NRG3: variants seen among roughly 807,000 people sequenced by gnomAD.
NRG3 encodes pro-neuregulin-3, membrane-bound isoform.
A neutral mutation model predicts 66.9 loss-of-function variants in NRG3; 31 were observed. The observed-to-expected ratio is 0.46, with a 90% CI of 0.35 to 0.63. The LOEUF (loss-of-function observed/expected upper bound fraction) is 0.63. NRG3 is among the 20% of genes least tolerant of loss of function. NRG3 has a pLI of 0.00. For synonymous variants in NRG3, 393 were observed against 359.4 expected, an observed-to-expected ratio of 1.09 and a Z score of -1.06; for missense variants, 910 against 878.9, an observed-to-expected ratio of 1.04 and a Z score of -0.45.
chr10:81,877,587 T>G, intron 1 of NRG3: 1 of 711,798 alleles, frequency 1.4e-6, no homozygotes, highest in East Asian at 9.9e-5. Context: ...TTTTAAAGAA[T>G]GTAGTGTATT....
chr10:82,969,424 A>G (rs1056322465), intron 6 of NRG3, among the ~76,000 whole-genome samples: 4 of 152,216 alleles, frequency 2.6e-5, no homozygotes, highest in Admixed American at 6.5e-5. Flanking sequence ...TGAAGCACAC[A>G]TAGAGGTATT....
rs185485151 is a variant in NRG3, at chr10:82,837,068, G to T, written c.1028-28343G>T. ...TCATCCATGGCCCTATGAAGGACAT[G>T]AACTCATCATTTTTTATGGCTGCAT... On this transcript the variant is annotated intron_variant, in intron 3 of 8. Coordinates refer to ENST00000372141, the MANE Select transcript of NRG3 (RefSeq NM_001010848.4). Among the ~76,000 whole-genome samples the T allele has an allele frequency of 6.7e-4, 102 of 152,264 alleles. 1 individual carries two copies. Among genetic ancestry groups the T allele is most frequent in the Admixed American group, 5.0e-3 (77 of 15,284 alleles).
chr10:82,805,027 T>G (rs1329461823), intron 3 of NRG3, among the ~76,000 whole-genome samples: 1 of 152,246 alleles, frequency 6.6e-6, no homozygotes, highest in East Asian at 1.9e-4. Flanking sequence ...CATCAGCTTT[T>G]CTTAGAACTC....
At chr10:82,721,342 G>C (rs921536285) in intron 2 of NRG3, among the ~76,000 whole-genome samples, 1 of 151,372 alleles carries the variant, frequency 6.6e-6, no homozygotes, top group Non-Finnish European at 1.5e-5. Context: ...GTTTCACTAT[G>C]GTAGCCAGGA....
intron 4 of NRG3, among the ~76,000 whole-genome samples, chr10:82,910,867 T>G (rs1845248091): frequency 6.6e-6 from 1 of 152,234 alleles, no homozygotes; most frequent in African/African-American, 2.4e-5. Flanking sequence ...ATGCTGTATA[T>G]GCTGTTGCCA....
intron 2 of NRG3, among the ~76,000 whole-genome samples, chr10:82,402,169 A>G (rs2087151748): frequency 6.6e-6 from 1 of 152,176 alleles, no homozygotes; most frequent in South Asian, 2.1e-4. Context: ...AGGCATATCT[A>G]TTTTAAAGAA....
At chr10:82,533,401 T>C (rs1847496191) in intron 2 of NRG3, among the ~76,000 whole-genome samples, 1 of 152,124 alleles carries the variant, frequency 6.6e-6, no homozygotes, top group Non-Finnish European at 1.5e-5. Flanking sequence ...TAAGTTTTCT[T>C]TTAGAAGTTT....
intron 2 of NRG3, among the ~76,000 whole-genome samples, chr10:82,654,456 G>A (rs889005793): frequency 5.3e-5 from 8 of 152,108 alleles, no homozygotes; most frequent in Non-Finnish European, 7.4e-5. Context: ...CATGCAATGT[G>A]TAATCTTTGA....
chr10:82,179,760 A>G (rs551899507), intron 1 of NRG3, among the ~76,000 whole-genome samples: 76 of 151,636 alleles, frequency 5.0e-4, no homozygotes, highest in African/African-American at 1.7e-3. Flanking sequence ...CTTTTCTTTT[A>G]TTTCTGTAAA....
chr10:82,282,838 G>C (rs778333014), intron 1 of NRG3, among the ~76,000 whole-genome samples: 29 of 152,054 alleles, frequency 1.9e-4, no homozygotes, highest in Non-Finnish European at 4.1e-4. Flanking sequence ...CGAAGGGTAG[G>C]ATGAGGGATC....
chr10:82,202,291 T>G (rs2074873859), intron 1 of NRG3, among the ~76,000 whole-genome samples: 1 of 152,148 alleles, frequency 6.6e-6, no homozygotes, highest in African/African-American at 2.4e-5. Flanking sequence ...ATACATGCAT[T>G]GGAGATCAAG....
chr10:82,707,323 A>G (rs2056369195), intron 2 of NRG3, among the ~76,000 whole-genome samples: 1 of 151,802 alleles, frequency 6.6e-6, no homozygotes, highest in African/African-American at 2.4e-5. Context: ...ATATTTTTCA[A>G]TTTCATTTTA....
chr10:82,128,116 T>C (rs984014956), intron 1 of NRG3, among the ~76,000 whole-genome samples: 1 of 151,946 alleles, frequency 6.6e-6, no homozygotes, highest in Non-Finnish European at 1.5e-5. Flanking sequence ...TTGGCCTTCC[T>C]TCTACCCGTC....
intron 3 of NRG3, among the ~76,000 whole-genome samples, chr10:82,815,814 G>A (rs342394): frequency 0.19 from 28,803 of 152,066 alleles, 2,956 homozygotes; most frequent in East Asian, 0.32. Context: ...ACCTGCTAAG[G>A]GTGAGCCAGG....
chr10:82,278,470 TC>T (rs1352327048), intron 1 of NRG3, among the ~76,000 whole-genome samples: 4 of 152,078 alleles, frequency 2.6e-5, no homozygotes, highest in African/African-American at 9.7e-5. Context: ...CAGACTGTCT[TC>T]CCTGTTTCCT....
intron 2 of NRG3, among the ~76,000 whole-genome samples, chr10:82,454,510 G>A (rs975353740): frequency 4.6e-5 from 7 of 152,080 alleles, no homozygotes; most frequent in African/African-American, 1.7e-4. Flanking sequence ...AAAACAAAAA[G>A]CCCGAAGTGT....
chr10:82,726,232 A>G (rs552678571), intron 2 of NRG3, among the ~76,000 whole-genome samples: 1 of 152,320 alleles, frequency 6.6e-6, no homozygotes, highest in East Asian at 1.9e-4. Flanking sequence ...TGATTTATAC[A>G]GTAACTTTAG....
intron 2 of NRG3, among the ~76,000 whole-genome samples, chr10:82,530,019 C>G (rs1010202621): frequency 1.3e-5 from 2 of 151,956 alleles, no homozygotes; most frequent in African/African-American, 4.8e-5. Context: ...CAGTTAAGGC[C>G]AATATGGGAA....
intron 3 of NRG3, among the ~76,000 whole-genome samples, chr10:82,834,316 T>C (rs1023523016): frequency 6.6e-6 from 1 of 152,156 alleles, no homozygotes; most frequent in African/African-American, 2.4e-5. Context: ...CAGGAAGAAC[T>C]GAAATTTCTA....
Sources: gnomAD v4.1 joint callset for allele counts (sites outside exome capture counted in the v4.1 genomes callset) on GRCh38, gnomAD v4.1.1 for gene constraint, MANE v1.5 for transcripts, NCBI Gene and HGNC (gene_info 2026-07-23, HGNC 2026-07-21) for gene names.